LRRC37A2: variants seen among roughly 807,000 people sequenced by gnomAD.
LRRC37A2 encodes the protein leucine-rich repeat-containing protein 37A2.
A neutral mutation model predicts 68.8 loss-of-function variants in LRRC37A2; 9 were observed. The ratio of observed to expected loss-of-function variants is 0.13; its 90% CI spans 0.08 to 0.23. LRRC37A2 has a LOEUF of 0.23. Among genes scored for constraint, LRRC37A2 ranks in the 10% least tolerant of loss-of-function variants. The pLI is 1.00. For missense variants in LRRC37A2, 168 were observed against 950.4 expected (o/e 0.18, Z 10.82); for synonymous variants, 63 against 367.6 (o/e 0.17, Z 9.48).
chr17:46,810,901 AGCC>A, the LRRC37A2 span, among the ~76,000 whole-genome samples: 8 of 152,054 alleles, frequency 5.3e-5, no homozygotes, highest in African/African-American at 1.9e-4. Flanking sequence ...CCTGCCCGGA[AGCC>A]GCCCACCTCC....
chr17:47,023,589 G>A, the LRRC37A2 span, among the ~76,000 whole-genome samples: 5 of 152,238 alleles, frequency 3.3e-5, no homozygotes, highest in Admixed American at 2.6e-4. Flanking sequence ...GCTGAGGCAG[G>A]AGAATTGCTT....
chr17:46,755,931 T>G, the LRRC37A2 span: 1 of 1,064,368 alleles, frequency 9.4e-7, no homozygotes, highest in Non-Finnish European at 1.4e-6. Flanking sequence ...GAACGTTCTC[T>G]ACCTTCAACA....
At chr17:46,989,219 C>T in the LRRC37A2 span, among the ~76,000 whole-genome samples, 1 of 152,182 alleles carries the variant, frequency 6.6e-6, no homozygotes, top group African/African-American at 2.4e-5. Context: ...CTGTCACCTG[C>T]TTCAGGGTCT....
At chr17:47,001,305 C>A in the LRRC37A2 span, among the ~76,000 whole-genome samples, 1 of 152,182 alleles carries the variant, frequency 6.6e-6, no homozygotes, top group Admixed American at 6.5e-5. Context: ...TGAGTCGCTG[C>A]TGTCCTCTAG....
At chr17:46,466,845 C>A in the LRRC37A2 span, among the ~76,000 whole-genome samples, 2 of 102,682 alleles carry the variant, frequency 1.9e-5, 1 homozygote, top group Non-Finnish European at 4.2e-5. Context: ...CAGCATGGTA[C>A]TGGTACCAAA....
At chr17:46,808,439 C>T in the LRRC37A2 span, among the ~76,000 whole-genome samples, 335 of 152,344 alleles carry the variant, frequency 2.2e-3, 1 homozygote, top group Non-Finnish European at 3.6e-3. Flanking sequence ...AGAATATGAA[C>T]AAGCAAATTT....
the LRRC37A2 span, among the ~76,000 whole-genome samples, chr17:46,959,393 A>C: frequency 6.6e-6 from 1 of 152,302 alleles, no homozygotes; most frequent in Admixed American, 6.5e-5. Context: ...TAGTCCTCAA[A>C]AGCCATTGGC....
chr17:46,882,205 A>G, the LRRC37A2 span, among the ~76,000 whole-genome samples: 1 of 152,204 alleles, frequency 6.6e-6, no homozygotes. Flanking sequence ...CTGGCCCAGG[A>G]TCCACTCAAG....
chr17:46,773,619 T>TGCCGGGGGG, the LRRC37A2 span: 1 of 549,848 alleles, frequency 1.8e-6, no homozygotes, highest in Non-Finnish European at 3.2e-6. Flanking sequence ...ACAGTCCTGA[T>TGCCGGGGGG]CCCTCCCCCC....
the LRRC37A2 span, among the ~76,000 whole-genome samples, chr17:47,028,059 A>G: frequency 1.3e-5 from 2 of 152,248 alleles, no homozygotes; most frequent in Non-Finnish European, 2.9e-5. Flanking sequence ...ATCACTTAAC[A>G]CAGGTATTTA....
the LRRC37A2 span, among the ~76,000 whole-genome samples, chr17:47,006,483 A>T: frequency 6.6e-6 from 1 of 151,906 alleles, no homozygotes; most frequent in South Asian, 2.1e-4. Context: ...GTGGTGGTGC[A>T]TGCCTGTCAT....
chr17:46,825,329 G>A, the LRRC37A2 span, among the ~76,000 whole-genome samples: 2 of 152,246 alleles, frequency 1.3e-5, no homozygotes, highest in African/African-American at 4.8e-5. Context: ...AACCCAGGAG[G>A]GGCTTGGAGC....
the LRRC37A2 span, among the ~76,000 whole-genome samples, chr17:46,729,579 T>C: frequency 2.0e-5 from 3 of 152,134 alleles, no homozygotes; most frequent in African/African-American, 7.2e-5. Context: ...TGCCAGAGCA[T>C]GTTTGGCTGT....
At chr17:46,818,213 CG>C in the LRRC37A2 span, among the ~76,000 whole-genome samples, 11 of 152,040 alleles carry the variant, frequency 7.2e-5, no homozygotes, top group African/African-American at 2.7e-4. Flanking sequence ...GGGGGGTCTT[CG>C]GGGGCCTCTA....
chr17:47,018,952 G>T, the LRRC37A2 span: 2 of 1,519,574 alleles, frequency 1.3e-6, no homozygotes, highest in Non-Finnish European at 1.8e-6. Flanking sequence ...ATATATCAAG[G>T]GGTAACAAAT....
the LRRC37A2 span, among the ~76,000 whole-genome samples, chr17:46,994,282 G>T: frequency 6.6e-6 from 1 of 152,268 alleles, no homozygotes; most frequent in East Asian, 1.9e-4. Flanking sequence ...CTACTCAGGA[G>T]GCTGAGGCAG....
the LRRC37A2 span, among the ~76,000 whole-genome samples, chr17:46,900,191 A>G: frequency 1.6e-5 from 2 of 127,374 alleles, no homozygotes; most frequent in Admixed American, 7.7e-5. Flanking sequence ...ATATATATAT[A>G]TATATATATA....
chr17:46,728,063 A>G, the LRRC37A2 span, among the ~76,000 whole-genome samples: 1 of 151,504 alleles, frequency 6.6e-6, no homozygotes, highest in Non-Finnish European at 1.5e-5. Flanking sequence ...AAATGGAGGG[A>G]TCAGTTTTGA....
At chr17:46,755,952 C>T in the LRRC37A2 span, 3 of 840,620 alleles carry the variant, frequency 3.6e-6, no homozygotes, top group African/African-American at 3.4e-5. Context: ...TGTGCTCGCT[C>T]TGCATGATTA....
Sources: gnomAD v4.1 joint callset for allele counts (sites outside exome capture counted in the v4.1 genomes callset) on GRCh38, gnomAD v4.1.1 for gene constraint, MANE v1.5 for transcripts, NCBI Gene and HGNC (gene_info 2026-07-23, HGNC 2026-07-21) for gene names.